The following NAT10 variants were observed in gnomAD, a reference collection of about 807,000 sequenced individuals.
NAT10 encodes RNA cytidine acetyltransferase.
Under a neutral mutation model 132.2 loss-of-function variants are expected in NAT10, and 109 were observed. That is an observed-to-expected ratio of 0.82 (90% CI 0.71 to 0.97). The LOEUF is 0.97. Among genes scored for constraint, NAT10 ranks in the 50% least tolerant of loss-of-function variants. The pLI is 0.00. For missense variants in NAT10, 1,184 were observed against 1,263.4 expected (o/e 0.94, Z 0.95); for synonymous variants, 479 against 478.0 (o/e 1.00, Z -0.03).
At chr11:34,114,884 G>T (rs1490793941) in intron 5 of NAT10, among the ~76,000 whole-genome samples, 1 of 152,178 alleles carries the variant, frequency 6.6e-6, no homozygotes, top group Admixed American at 6.5e-5. Flanking sequence ...CGATCACAGT[G>T]GCTCACGCCT....
In NAT10 at chr11:34,131,604, C is replaced by G. The variant is rs1852106555; in HGVS notation, c.1520+73C>G. The G allele has an allele frequency of 2.7e-6, 4 of 1,463,262 alleles. No individual in the cohort carries two copies. In the Admixed American group the frequency reaches 6.5e-5, roughly 24 times the overall value. 90.6% of individuals were successfully genotyped at this position (1,463,262 alleles called of 1,614,324 possible). On this transcript the variant is annotated intron_variant, in intron 14 of 28. Transcript: ENST00000257829. ...TGAAAGAATTCAAAGGACTTGAGTC[C>G]TTTGTTTCATAGGATGCTGCTCTAG...
intron 24 of NAT10, 55 bp from the exon 25 acceptor site, chr11:34,141,034 T>G (rs1852318215): frequency 6.2e-7 from 1 of 1,608,982 alleles, no homozygotes; most frequent in Admixed American, 1.7e-5. Flanking sequence ...TGGCGCCATT[T>G]TAATGGGCAA....
chr11:34,108,901 T>G (rs1851644825), intron 3 of NAT10, 68 bp downstream of exon 3: 8 of 1,402,008 alleles, frequency 5.7e-6, no homozygotes, highest in Non-Finnish European at 7.9e-6. Flanking sequence ...TGCCAGGAAA[T>G]GATTCCTTCA....
chr11:34,109,756 T>G (rs1236435478), intron 3 of NAT10, among the ~76,000 whole-genome samples: 1 of 152,222 alleles, frequency 6.6e-6, no homozygotes, highest in African/African-American at 2.4e-5. Context: ...TCACGGGTGA[T>G]CTAGAGTCAC....
chr11:34,117,563 A>C (rs953923353), intron 6 of NAT10, among the ~76,000 whole-genome samples: 1 of 152,208 alleles, frequency 6.6e-6, no homozygotes, highest in Non-Finnish European at 1.5e-5. Flanking sequence ...GCACTAAGTC[A>C]GTAGAATGAG....
rs137942423 is a variant in NAT10, at chr11:34,139,231, C to T, written c.2252C>T (p.Thr751Met). 8.1e-5 allele frequency: 130 copies of T among 1,614,032 alleles called. No individual in the cohort carries two copies. In the Middle Eastern group the frequency reaches 1.6e-3, roughly 20 times the overall value. The change falls in exon 22 of 29, where the codon ACG becomes ATG. Residue 751 changes from threonine (T) to methionine (M), a missense_variant. By Grantham distance (81) the Thr-to-Met change is moderately conservative. Transcript: ENST00000257829. ...TGEHSCIMLK[T>M]LTDEDEADQG... ...GAGCACTCGTGCATCATGCTGAAGA[C>T]GCTCACTGATGAGGATGAGGCTGAC...
intron 28 of NAT10, among the ~76,000 whole-genome samples, chr11:34,145,817 G>A (rs930473547): frequency 1.3e-5 from 2 of 152,046 alleles, no homozygotes; most frequent in African/African-American, 4.8e-5. Flanking sequence ...AGGAGAACCC[G>A]GATTTCAGGT....
In NAT10 at chr11:34,141,817, A is replaced by G. The variant is rs112491809; in HGVS notation, c.2811A>G (p.Leu937=). 59 of 1,613,136 alleles carry G rather than the reference A, an allele frequency of 3.7e-5. No individual in the cohort carries two copies. In the African/African-American group the frequency reaches 6.9e-4, roughly 19 times the overall value. Residue 937 remains leucine, a splice_region_variant and synonymous_variant, in exon 26 of 29, where the codon CTA becomes CTG. Coordinates refer to ENST00000257829, the MANE Select transcript of NAT10 (RefSeq NM_024662.3). Reference sequence around the variant, plus strand: ...CGATGAAGACCCTCAGTGACGACCTAGTATGTCCCTGCTCATGGCCTCGGG... The same window carrying G: ...CGATGAAGACCCTCAGTGACGACCTGGTATGTCCCTGCTCATGGCCTCGGG... ...EPTMKTLSDD[L]DEAAKEFQEK...
rs1852349563 is a variant in NAT10, at chr11:34,142,277, T to C, written c.2814T>C (p.Asp938=). ...PTMKTLSDDL[D]EAAKEFQEKH... ...TCTTTATGGGTCCTTAACCACAGGA[T>C]GAAGCAGCAAAGGAATTTCAGGAGA... The change falls in exon 27 of 29, where the codon GAT becomes GAC. Residue 938 remains aspartate, a splice_region_variant and synonymous_variant. Coordinates refer to ENST00000257829, the MANE Select transcript of NAT10 (RefSeq NM_024662.3). The C allele has an allele frequency of 1.9e-6, 3 of 1,613,982 alleles. No individual in the cohort carries two copies. The highest frequency in any genetic ancestry group is 2.5e-6 in the Non-Finnish European group (3 of 1,179,916).
At chr11:34,135,773 G>C (rs1338089209) in intron 19 of NAT10, among the ~76,000 whole-genome samples, 1 of 152,124 alleles carries the variant, frequency 6.6e-6, no homozygotes, top group Non-Finnish European at 1.5e-5. Flanking sequence ...GAGGCAGCTG[G>C]GCAACATGGC....
intron 16 of NAT10, 76 bp from the exon 17 acceptor site, chr11:34,134,243 A>G: frequency 3.1e-6 from 4 of 1,299,938 alleles, no homozygotes; most frequent in Non-Finnish European, 4.5e-6. Flanking sequence ...CTAGTTCGAG[A>G]AACAAGCTAT....
At chr11:34,131,777 C>T (rs1298664768) in intron 14 of NAT10, among the ~76,000 whole-genome samples, 1 of 151,276 alleles carries the variant, frequency 6.6e-6, no homozygotes, top group East Asian at 1.9e-4. Context: ...CCTCTGCCTC[C>T]CGGGTTCAAG....
chr11:34,140,200 G>A (rs1156372208), intron 23 of NAT10, among the ~76,000 whole-genome samples, 200 bp from the exon 24 acceptor site: 5 of 152,156 alleles, frequency 3.3e-5, no homozygotes, highest in African/African-American at 4.8e-5. Flanking sequence ...TGTGGCAGCC[G>A]TCCCCTCCCC....
chr11:34,106,389 T>G (rs1193918604), intron 1 of NAT10, among the ~76,000 whole-genome samples: 3 of 151,808 alleles, frequency 2.0e-5, no homozygotes, highest in Non-Finnish European at 4.4e-5. Context: ...ATCTCAGCCC[T>G]TCCTTCATCT....
chr11:34,135,374 A>G lies in NAT10; in HGVS notation c.2028+83A>G, dbSNP rs112929758. 48 of 1,121,374 alleles carry G rather than the reference A, an allele frequency of 4.3e-5. 1 individual carries two copies. Among genetic ancestry groups the G allele is most frequent in the African/African-American group, 3.4e-4 (22 of 65,018 alleles). The allele number at this position is 1,121,374 out of a possible 1,614,324, so 69.5% of individuals were successfully genotyped here. ...GTTTTTAGGGGCATCAACAAAAACC[A>G]GTCCAGAGCTTTGGACCCCTCTCTC... On this transcript the variant is annotated intron_variant, in intron 19 of 28. Coordinates refer to ENST00000257829, the MANE Select transcript of NAT10 (RefSeq NM_024662.3).
chr11:34,110,813 A>C (rs1276405003), intron 3 of NAT10, among the ~76,000 whole-genome samples: 2 of 152,074 alleles, frequency 1.3e-5, no homozygotes, highest in Non-Finnish European at 2.9e-5. Flanking sequence ...GAAACCAGAC[A>C]ATCATAAGAG....
chr11:34,141,955 A>G (rs1852341135), intron 26 of NAT10, 138 bp downstream of exon 26: 1 of 740,124 alleles, frequency 1.4e-6, no homozygotes, highest in Non-Finnish European at 2.2e-6. Context: ...TGTAGGTTTA[A>G]TTGGACAAAC....
chr11:34,133,213 A>G, intron 16 of NAT10, 71 bp downstream of exon 16: 1 of 1,165,128 alleles, frequency 8.6e-7, no homozygotes, highest in Non-Finnish European at 1.3e-6. Context: ...TAGTGGCTTA[A>G]TAACTGCATT....
At chr11:34,115,251 G>A (rs1851765028) in intron 5 of NAT10, among the ~76,000 whole-genome samples, 1 of 152,168 alleles carries the variant, frequency 6.6e-6, no homozygotes, top group African/African-American at 2.4e-5. Context: ...CTGGCATTTA[G>A]TAAGCATTCC....
Sources: allele counts gnomAD v4.1 joint callset (sites outside exome capture counted in the v4.1 genomes callset), GRCh38; gene constraint gnomAD v4.1.1; transcripts MANE v1.5; gene names NCBI Gene and HGNC (gene_info 2026-07-23, HGNC 2026-07-21).